PLD2: variants seen among roughly 807,000 people sequenced by gnomAD.
The protein encoded by PLD2 is phospholipase D2.
Under a neutral mutation model 119.8 loss-of-function variants are expected in PLD2, and 101 were observed. The observed-to-expected ratio is 0.84, with a 90% CI of 0.72 to 0.99. The LOEUF is 0.99. Ranked by LOEUF, PLD2 falls within the 50% of genes least tolerant of loss-of-function variation. The pLI is 0.00. For synonymous variants in PLD2, 494 were observed against 482.8 expected, an observed-to-expected ratio of 1.02 and a Z score of -0.30; for missense variants, 1,164 against 1,226.8, an observed-to-expected ratio of 0.95 and a Z score of 0.76.
chr17:4,819,319 G>A lies in PLD2; in HGVS notation c.2308+101G>A. Reference sequence around the variant, plus strand: ...GACTGCAGCTGAGGCTCGTGTAGGGGTGGAGGGTCCAAGAAGGAATGTTGC... The same window carrying A: ...GACTGCAGCTGAGGCTCGTGTAGGGATGGAGGGTCCAAGAAGGAATGTTGC... On this transcript the variant is annotated intron_variant, in intron 22 of 24. Coordinates refer to ENST00000263088, the MANE Select transcript of PLD2 (RefSeq NM_002663.5). The surrounding 1 kb of genome is among the most constrained non-coding windows in gnomAD (Gnocchi z 4.2). The A allele has an allele frequency of 6.3e-7, 1 of 1,593,586 alleles. No individual in the cohort carries two copies. Among genetic ancestry groups the A allele is most frequent in the Non-Finnish European group, 8.6e-7 (1 of 1,167,506 alleles).
At position 4,821,833 on chromosome 17, in the gene PLD2, C is replaced by G. The variant is rs756151080; in HGVS notation, c.2503C>G (p.Arg835Gly). ...GANTRPDLDLRDPICDDFFQL... is the reference protein window; with the variant it reads ...GANTRPDLDLGDPICDDFFQL... ...AAATACCCGGCCAGACTTGGATCTC[C>G]GAGACCCCATCTGTGATGACTTCTT... The change falls in exon 24 of 25, where the codon CGA becomes GGA. Residue 835 changes from arginine (R) to glycine (G), a missense_variant. Coordinates refer to ENST00000263088, the MANE Select transcript of PLD2 (RefSeq NM_002663.5). The G allele has an allele frequency of 6.2e-7, 1 of 1,613,948 alleles. No homozygotes were observed. The highest frequency in any genetic ancestry group is 2.2e-5 in the East Asian group (1 of 44,882).
chr17:4,819,419 T>C lies in PLD2; in HGVS notation c.2309-10T>C. On this transcript the variant is annotated splice_polypyrimidine_tract_variant and intron_variant, in intron 22 of 24. Coordinates refer to ENST00000263088, the MANE Select transcript of PLD2 (RefSeq NM_002663.5). The surrounding 1 kb of genome is among the most constrained non-coding windows in gnomAD (Gnocchi z 4.2). ...GCCCAAGCACACAGTGTGCCCCGCA[T>C]CCACCCCAGGTTCTGCAAACATCAA... 6.2e-7 allele frequency: 1 copy of C among 1,612,806 alleles called. No individual in the cohort carries two copies. Among genetic ancestry groups the C allele is most frequent in the Non-Finnish European group, 8.5e-7 (1 of 1,179,454 alleles).
At chr17:4,810,699 T>G in intron 9 of PLD2, 103 bp from the exon 10 acceptor site, 1 of 1,112,594 alleles carries the variant, frequency 9.0e-7, no homozygotes, top group Non-Finnish European at 1.3e-6. Context: ...CCTGTGCAGT[T>G]GTGATTAGGG....
In PLD2 at chr17:4,814,692, T is replaced by C. The variant is rs763007494; in HGVS notation, c.1154T>C (p.Ile385Thr). 6.2e-7 allele frequency: 1 copy of C among 1,613,954 alleles called. No individual in the cohort carries two copies. The change falls in exon 12 of 25, where the codon ATT (isoleucine) becomes ACT (threonine). Residue 385 changes from isoleucine to threonine, a missense_variant. Transcript: ENST00000263088. ...CATTCAGATGACTGGAGACTGGACA[T>C]TATGCTCAAGAGGAAGGCGGTGAGG... is the stretch of plus-strand genomic sequence containing the variant. ...PAHSDDWRLD[I>T]MLKRKAEEGV...
Position 4,818,294 on chromosome 17 carries a change from C to A in PLD2, c.1921-3C>A, listed in dbSNP as rs1907242774. On this transcript the variant is annotated splice_region_variant and splice_polypyrimidine_tract_variant and intron_variant, in intron 18 of 24. Transcript: ENST00000263088. ...TGATGTCTGTCTCTGATTCTTGCCC[C>A]AGAATCAGTTCTTCATTAGCTGCTC... is the stretch of plus-strand genomic sequence containing the variant. 1 of 1,610,034 alleles carries A rather than the reference C, an allele frequency of 6.2e-7. No homozygotes were observed. The highest frequency in any genetic ancestry group is 8.5e-7 in the Non-Finnish European group (1 of 1,176,434).
chr17:4,815,367 C>T (rs1906862363), intron 12 of PLD2, 109 bp from the exon 13 acceptor site: 1 of 741,266 alleles, frequency 1.3e-6, no homozygotes, highest in South Asian at 1.5e-5. Flanking sequence ...GGCAGAGCCT[C>T]TAGGATCTCC....
intron 21 of PLD2, 122 bp downstream of exon 21, chr17:4,818,945 C>CCATA: frequency 6.8e-7 from 1 of 1,478,284 alleles, no homozygotes; most frequent in Non-Finnish European, 9.3e-7. Flanking sequence ...GCTACGCAGA[C>CCATA]CATAGCTGGC....
chr17:4,815,993 AT>A (rs904802968), intron 14 of PLD2, 59 bp downstream of exon 14: 2 of 1,247,084 alleles, frequency 1.6e-6, no homozygotes, highest in Non-Finnish European at 2.3e-6. Flanking sequence ...AATCAACACC[AT>A]TTCCCAGCTC....
At chr17:4,818,189 A>C in intron 18 of PLD2, 83 bp downstream of exon 18, 4 of 1,407,396 alleles carry the variant, frequency 2.8e-6, no homozygotes, top group Non-Finnish European at 1.0e-6. Context: ...TCAGTCATTG[A>C]GGGCTGGTGG....
intron 23 of PLD2, 111 bp from the exon 24 acceptor site, chr17:4,821,682 A>C: frequency 2.7e-6 from 2 of 730,278 alleles, no homozygotes; most frequent in Non-Finnish European, 4.8e-6. Context: ...GGCGTGAGCC[A>C]CCGCACCCAG....
In PLD2 at chr17:4,818,482, C is replaced by A. The variant is rs574935758; in HGVS notation, c.2010-12C>A. On this transcript the variant is annotated splice_polypyrimidine_tract_variant and intron_variant, in intron 19 of 24. Coordinates refer to ENST00000263088, the MANE Select transcript of PLD2 (RefSeq NM_002663.5). Reference sequence around the variant, plus strand: ...GGGACCAGTCGCACCTCTGACTCCACCCCCTCCCCAGACAGGGGTGGTGTT... The same window carrying A: ...GGGACCAGTCGCACCTCTGACTCCAACCCCTCCCCAGACAGGGGTGGTGTT... 1.1e-5 allele frequency: 17 copies of A among 1,607,884 alleles called. No homozygotes were observed. In the Admixed American group the frequency reaches 2.2e-4, roughly 20 times the overall value.
rs1906139504 is a variant in PLD2, at chr17:4,808,891, G to T, written c.384-209G>T. On this transcript the variant is annotated intron_variant, in intron 4 of 24. Transcript: ENST00000263088. The surrounding 1 kb of genome is among the most constrained non-coding windows in gnomAD (Gnocchi z 4.1). ...GTATATTTTGTAGAGATGGGGTGCT[G>T]CTGTGTTGCCCAGGCTGGTCTTAAA... is the stretch of plus-strand genomic sequence containing the variant. 6.6e-6 allele frequency among the ~76,000 whole-genome samples: 1 copy of T among 152,036 alleles called. No homozygotes were observed. The highest frequency in any genetic ancestry group is 1.9e-4 in the East Asian group (1 of 5,170).
chr17:4,821,148 C>T (rs1217968030), intron 23 of PLD2, among the ~76,000 whole-genome samples: 4 of 151,032 alleles, frequency 2.6e-5, no homozygotes, highest in African/African-American at 7.3e-5. Flanking sequence ...GTGATCCGCC[C>T]ATCTCAGCCT....
At position 4,808,467 on chromosome 17, in the gene PLD2, C is replaced by A. The variant is rs747342522; in HGVS notation, c.383+51C>A. 1 of 1,580,906 alleles carries A rather than the reference C, an allele frequency of 6.3e-7. No individual in the cohort carries two copies. The highest frequency in any genetic ancestry group is 1.1e-5 in the South Asian group (1 of 87,774). On this transcript the variant is annotated intron_variant, in intron 4 of 24. Transcript: ENST00000263088. This position sits in a 1 kb window ranked among gnomAD's most constrained non-coding sequence, Gnocchi z 4.1. Reference sequence around the variant, plus strand: ...TAGAGGGCAGGTGCTCCCCACCCTCCTTTCTGTCTGTCTCACCCCGGGGCC... The same window carrying A: ...TAGAGGGCAGGTGCTCCCCACCCTCATTTCTGTCTGTCTCACCCCGGGGCC...
intron 10 of PLD2, among the ~76,000 whole-genome samples, chr17:4,813,006 GT>G (rs1906630656): frequency 6.6e-6 from 1 of 151,998 alleles, no homozygotes; most frequent in African/African-American, 2.4e-5. Context: ...CGTTTGTTTT[GT>G]TTTGGTTTGG....
At chr17:4,818,127 G>A (rs780596651) in intron 18 of PLD2, 21 bp downstream of exon 18, 1 of 1,566,580 alleles carries the variant, frequency 6.4e-7, no homozygotes, top group South Asian at 1.1e-5. Flanking sequence ...GAGGAGGTGG[G>A]GGAGAGCATG....
At chr17:4,810,511 G>T (rs1195908076) in intron 9 of PLD2, among the ~76,000 whole-genome samples, 1 of 152,098 alleles carries the variant, frequency 6.6e-6, no homozygotes, top group Non-Finnish European at 1.5e-5. Context: ...CGGGCGTGGT[G>T]GTGCGTGCCT....
rs750723826 is a variant in PLD2 at position 4,819,532 on chromosome 17, A to G, written c.2412A>G (p.Ala804=). Reference sequence around the variant, plus strand: ...CGGAACCATCCCTCATGAATGGGGCAGAGTATCAGGCGGGCAGGTTTGCCT... The same window carrying G: ...CGGAACCATCCCTCATGAATGGGGCGGAGTATCAGGCGGGCAGGTTTGCCT... ...TETEPSLMNG[A]EYQAGRFALS... is the part of the protein sequence containing the mutation. Residue 804 remains alanine, a synonymous_variant, in exon 23 of 25, where the codon GCA becomes GCG. Transcript: ENST00000263088. This position sits in a 1 kb window ranked among gnomAD's most constrained non-coding sequence, Gnocchi z 4.2. 12 of 1,613,994 alleles carry G rather than the reference A, an allele frequency of 7.4e-6. No individual in the cohort carries two copies. In the East Asian group the frequency reaches 2.2e-4, roughly 30 times the overall value.
At position 4,808,024 on chromosome 17, in the gene PLD2, G is replaced by T; in HGVS notation, c.150G>T (p.Gln50His). The T allele has an allele frequency of 6.2e-7, 1 of 1,612,628 alleles. No individual in the cohort carries two copies. Among genetic ancestry groups the T allele is most frequent in the Non-Finnish European group, 8.5e-7 (1 of 1,178,800 alleles). ...CGTTTCTGGCCATCTATGAGCTTCA[G>T]TCTCTGAAAGTGCACCCCTTGGTGT... ...MHPFLAIYEL[Q>H]SLKVHPLVFA... Residue 50 changes from glutamine (Q) to histidine (H), a missense_variant, in exon 3 of 25, where the codon CAG (glutamine) becomes CAT (histidine). Gln to His is a conservative substitution (Grantham distance 24, BLOSUM62 0). Transcript: ENST00000263088. The surrounding 1 kb of genome is among the most constrained non-coding windows in gnomAD (Gnocchi z 4.1).
Sources: allele counts gnomAD v4.1 joint callset (sites outside exome capture counted in the v4.1 genomes callset), GRCh38; gene constraint gnomAD v4.1.1; non-coding constraint Gnocchi (gnomAD v3.1); transcripts MANE v1.5; gene names NCBI Gene and HGNC (gene_info 2026-07-23, HGNC 2026-07-21).